Variants in IGSF5 observed in about 807,000 individuals in gnomAD.
IGSF5 encodes the protein immunoglobulin superfamily 5 like.
In IGSF5, 41 loss-of-function variants were observed where a neutral mutation model predicts 39.4. The ratio of observed to expected loss-of-function variants is 1.04; its 90% CI spans 0.81 to 1.35. The LOEUF is 1.35. IGSF5 is among the 40% of genes most tolerant of loss of function. The pLI is 0.00. For missense variants in IGSF5, 487 were observed against 494.6 expected (o/e 0.98, Z 0.15); for synonymous variants, 183 against 175.3 (o/e 1.04, Z -0.34).
chr21:39,769,077 A>G (rs1023289996), intron 3 of IGSF5, among the ~76,000 whole-genome samples: 7 of 152,224 alleles, frequency 4.6e-5, no homozygotes, highest in African/African-American at 1.7e-4. Flanking sequence ...AAATCATGCA[A>G]GGATAAAAGG....
chr21:39,797,642 G>A (rs11910099), intron 8 of IGSF5, among the ~76,000 whole-genome samples: 1,896 of 152,212 alleles, frequency 0.012, 36 homozygotes, highest in African/African-American at 0.043. Context: ...TCAGCCTTCC[G>A]GAGAGCTAGG....
chr21:39,743,601 A>C (rs1621232), upstream of IGSF5, among the ~76,000 whole-genome samples: 98,140 of 146,404 alleles, frequency 0.67, 32,885 homozygotes, highest in South Asian at 0.79. Flanking sequence ...TGGGCTGAAG[A>C]GGGGGTTCTT....
At position 39,761,001 on chromosome 21, in the gene IGSF5, G is replaced by T. The variant is rs193225792; in HGVS notation, c.101-4534G>T. Among the ~76,000 whole-genome samples the T allele has an allele frequency of 5.6e-4, 86 of 152,250 alleles. 1 individual carries two copies. Among genetic ancestry groups the T allele is most frequent in the African/African-American group, 1.8e-3 (76 of 41,558 alleles). On this transcript the variant is annotated intron_variant, in intron 2 of 8. Transcript: ENST00000380588. ...GGAAGCATCACATTACCCAACTTCA[G>T]CCTATACAACAAGGCTACAGTAATC... is the stretch of plus-strand genomic sequence containing the variant.
chr21:39,771,631 T>C (rs1412200197), intron 4 of IGSF5, among the ~76,000 whole-genome samples: 1 of 152,194 alleles, frequency 6.6e-6, no homozygotes, highest in African/African-American at 2.4e-5. Context: ...TCTTCCAATC[T>C]TAGTGGAATT....
intron 2 of IGSF5, 70 bp downstream of exon 2, chr21:39,746,368 G>A: frequency 1.5e-6 from 1 of 646,716 alleles, no homozygotes; most frequent in Non-Finnish European, 2.8e-6. Flanking sequence ...ATTTAATAGA[G>A]TGAAATAGAG....
chr21:39,788,969 G>A (rs942764045), intron 6 of IGSF5, among the ~76,000 whole-genome samples: 2 of 152,190 alleles, frequency 1.3e-5, no homozygotes, highest in African/African-American at 4.8e-5. Flanking sequence ...CAATCACCAT[G>A]TGGCAAAGGT....
chr21:39,716,330 A>AT, the IGSF5 span, among the ~76,000 whole-genome samples: 1,735 of 151,730 alleles, frequency 0.011, 31 homozygotes, highest in African/African-American at 0.039. Flanking sequence ...AAAAACGAGA[A>AT]TTTTTTTTTC....
intron 5 of IGSF5, among the ~76,000 whole-genome samples, chr21:39,784,704 G>GA (rs2080188864): frequency 6.6e-6 from 1 of 151,890 alleles, no homozygotes; most frequent in Non-Finnish European, 1.5e-5. Context: ...CACCAGGTGT[G>GA]ATTCATAGTG....
At chr21:39,718,610 A>G in the IGSF5 span, among the ~76,000 whole-genome samples, 1 of 152,150 alleles carries the variant, frequency 6.6e-6, no homozygotes, top group African/African-American at 2.4e-5. Context: ...AGATAATCAT[A>G]TGGTTTTTGT....
At chr21:39,778,354 G>A (rs2080151423) in intron 4 of IGSF5, among the ~76,000 whole-genome samples, 1 of 152,074 alleles carries the variant, frequency 6.6e-6, no homozygotes, top group South Asian at 2.1e-4. Context: ...CTTAAGACAT[G>A]GTGGAAAAGA....
intron 2 of IGSF5, among the ~76,000 whole-genome samples, chr21:39,754,000 A>G (rs1310770740): frequency 6.6e-6 from 1 of 152,082 alleles, no homozygotes; most frequent in Admixed American, 6.6e-5. Flanking sequence ...TTAGGTCAAT[A>G]TTAAGATGTG....
intron 2 of IGSF5, among the ~76,000 whole-genome samples, chr21:39,753,568 T>C (rs1195237584): frequency 6.6e-6 from 1 of 152,244 alleles, no homozygotes; most frequent in East Asian, 1.9e-4. Context: ...GTGTTATCAC[T>C]GGGGTATTGA....
intron 8 of IGSF5, among the ~76,000 whole-genome samples, chr21:39,793,882 G>A (rs1601143430): frequency 6.6e-6 from 1 of 152,102 alleles, no homozygotes; most frequent in Non-Finnish European, 1.5e-5. Flanking sequence ...CTTGATTTGG[G>A]ACGTATCCGC....
the IGSF5 span, among the ~76,000 whole-genome samples, chr21:39,736,269 C>T: frequency 6.6e-6 from 1 of 152,224 alleles, no homozygotes; most frequent in Non-Finnish European, 1.5e-5. Flanking sequence ...CTCTCTCCCT[C>T]CATCAACAGT....
chr21:39,789,444 G>T (rs1053968356), intron 6 of IGSF5, among the ~76,000 whole-genome samples: 1 of 152,160 alleles, frequency 6.6e-6, no homozygotes, highest in Non-Finnish European at 1.5e-5. Context: ...CTTTGTCTCC[G>T]TGCAGCCCTT....
chr21:39,719,475 T>C, the IGSF5 span, among the ~76,000 whole-genome samples: 2 of 152,200 alleles, frequency 1.3e-5, no homozygotes, highest in African/African-American at 4.8e-5. Context: ...CCTCATTTCC[T>C]TGGAGGCTTC....
the IGSF5 span, among the ~76,000 whole-genome samples, chr21:39,736,449 A>AACAAG: frequency 6.6e-6 from 1 of 152,128 alleles, no homozygotes; most frequent in South Asian, 2.1e-4. Flanking sequence ...AACAAAACAA[A>AACAAG]ACAAAACACA....
intron 2 of IGSF5, among the ~76,000 whole-genome samples, chr21:39,759,616 C>T (rs2080051033): frequency 6.6e-6 from 1 of 152,056 alleles, no homozygotes; most frequent in African/African-American, 2.4e-5. Flanking sequence ...CCTGTAATCC[C>T]AGCACTATGG....
intron 4 of IGSF5, 109 bp from the exon 5 acceptor site, chr21:39,778,981 G>T (rs2080155041): frequency 1.5e-6 from 2 of 1,346,144 alleles, no homozygotes; most frequent in African/African-American, 2.9e-5. Context: ...GCCATAGCAG[G>T]CTGAATAGTT....
Sources: allele counts gnomAD v4.1 joint callset (sites outside exome capture counted in the v4.1 genomes callset), GRCh38; gene constraint gnomAD v4.1.1; transcripts MANE v1.5; gene names NCBI Gene and HGNC (gene_info 2026-07-23, HGNC 2026-07-21).